ERBB4: variants seen among roughly 807,000 people sequenced by gnomAD.
The protein encoded by ERBB4 is erb-b2 receptor tyrosine kinase 4, also known as receptor tyrosine-protein kinase erbB-4.
A neutral mutation model predicts 158.0 loss-of-function variants in ERBB4; 42 were observed. The observed-to-expected ratio is 0.27, with a 90% confidence interval of 0.21 to 0.34. The LOEUF (loss-of-function observed/expected upper bound fraction) is 0.34, where lower values mean the gene tolerates loss of function less well. Among genes scored for constraint, ERBB4 ranks in the 10% least tolerant of loss-of-function variants. The pLI is 1.00. For synonymous variants in ERBB4, 583 were observed against 558.7 expected, an observed-to-expected ratio of 1.04 and a Z score of -0.61; for missense variants, 1,333 against 1,624.1, an observed-to-expected ratio of 0.82 and a Z score of 3.08.
At chr2:212,058,284 T>C (rs530129429) in intron 2 of ERBB4, among the ~76,000 whole-genome samples, 10 of 152,300 alleles carry the variant, frequency 6.6e-5, no homozygotes. Context: ...GCTCTGAAAT[T>C]GTGGCAACAG....
intron 13 of ERBB4, among the ~76,000 whole-genome samples, chr2:211,677,460 G>A (rs1446392931): frequency 1.3e-5 from 2 of 151,740 alleles, no homozygotes; most frequent in Non-Finnish European, 1.5e-5. Flanking sequence ...GCTACTTGGA[G>A]GCTGAGGCAC....
chr2:212,441,009 A>G (rs1049428948), intron 1 of ERBB4, among the ~76,000 whole-genome samples: 70 of 152,146 alleles, frequency 4.6e-4, no homozygotes, highest in African/African-American at 1.5e-3. Context: ...GAAATTGTGG[A>G]AAAATAGACA....
chr2:212,516,595 C>T (rs1010614186), intron 1 of ERBB4, among the ~76,000 whole-genome samples: 2 of 152,076 alleles, frequency 1.3e-5, no homozygotes, highest in Middle Eastern at 3.2e-3. Flanking sequence ...ACAGAGCTAA[C>T]GTTAAAATGT....
intron 2 of ERBB4, among the ~76,000 whole-genome samples, chr2:211,948,636 G>T (rs2080778795): frequency 6.6e-6 from 1 of 151,596 alleles, no homozygotes; most frequent in Admixed American, 6.6e-5. Context: ...TCAATAAAAT[G>T]ATGATAAATA....
chr2:211,570,737 G>T (rs932186976), intron 19 of ERBB4, among the ~76,000 whole-genome samples: 7 of 152,008 alleles, frequency 4.6e-5, no homozygotes, highest in Non-Finnish European at 7.4e-5. Flanking sequence ...CTTCAATTTT[G>T]CCCTATCTGT....
chr2:212,086,193 G>T (rs1459231140), intron 2 of ERBB4, among the ~76,000 whole-genome samples: 2 of 151,868 alleles, frequency 1.3e-5, no homozygotes, highest in African/African-American at 4.8e-5. Context: ...AAAAGTGATT[G>T]GCTGCCACGT....
At chr2:212,153,800 CAT>C (rs1365696471) in intron 1 of ERBB4, among the ~76,000 whole-genome samples, 1 of 152,100 alleles carries the variant, frequency 6.6e-6, no homozygotes, top group African/African-American at 2.4e-5. Flanking sequence ...ATTCTAACAT[CAT>C]ATAGGAATTA....
chr2:212,271,419 C>A (rs1265987346), intron 1 of ERBB4, among the ~76,000 whole-genome samples: 1 of 151,654 alleles, frequency 6.6e-6, no homozygotes, highest in African/African-American at 2.4e-5. Flanking sequence ...TTATCTACAA[C>A]TTTCAGAATT....
At chr2:212,180,480 T>A (rs1160346738) in intron 1 of ERBB4, among the ~76,000 whole-genome samples, 1 of 151,686 alleles carries the variant, frequency 6.6e-6, no homozygotes, top group African/African-American at 2.4e-5. Context: ...AAGCTAACAT[T>A]GTTTCATTTG....
intron 3 of ERBB4, among the ~76,000 whole-genome samples, chr2:211,914,892 A>G (rs1302068189): frequency 6.6e-6 from 1 of 152,122 alleles, no homozygotes; most frequent in Non-Finnish European, 1.5e-5. Context: ...CAGAGGAGTA[A>G]GCAACTTTTC....
intron 1 of ERBB4, among the ~76,000 whole-genome samples, chr2:212,255,002 A>G (rs1469081614): frequency 6.6e-6 from 1 of 152,188 alleles, no homozygotes; most frequent in Non-Finnish European, 1.5e-5. Flanking sequence ...TCACGGGTAT[A>G]GTGTTATATC....
At chr2:211,415,107 C>CCTT in intron 25 of ERBB4, among the ~76,000 whole-genome samples, 1 of 72,540 alleles carries the variant, frequency 1.4e-5, no homozygotes, top group Non-Finnish European at 2.5e-5. Context: ...CTTACATTTT[C>CCTT]TTTTTTTTTT....
At chr2:211,497,852 G>A (rs1451816845) in intron 20 of ERBB4, among the ~76,000 whole-genome samples, 1 of 152,092 alleles carries the variant, frequency 6.6e-6, no homozygotes, top group Non-Finnish European at 1.5e-5. Flanking sequence ...ATGTAAAGTT[G>A]CTTAATTTTT....
chr2:211,537,536 T>C (rs2066689587), intron 20 of ERBB4, among the ~76,000 whole-genome samples: 2 of 151,998 alleles, frequency 1.3e-5, no homozygotes, highest in Non-Finnish European at 2.9e-5. Flanking sequence ...AACACTTTTC[T>C]TCAAAAGGAA....
At chr2:212,536,648 A>T (rs1288410244) in intron 1 of ERBB4, among the ~76,000 whole-genome samples, 1 of 152,234 alleles carries the variant, frequency 6.6e-6, no homozygotes, top group Non-Finnish European at 1.5e-5. Context: ...GGACAGCTGC[A>T]GAACTAATTT....
intron 16 of ERBB4, among the ~76,000 whole-genome samples, chr2:211,647,542 C>T (rs2105872268): frequency 1.3e-5 from 2 of 151,662 alleles, no homozygotes; most frequent in South Asian, 4.1e-4. Context: ...GTTAATGTTA[C>T]CCCCATCCAT....
chr2:212,538,070 C>T (rs1693203963), intron 1 of ERBB4, among the ~76,000 whole-genome samples: 1 of 152,150 alleles, frequency 6.6e-6, no homozygotes, highest in Non-Finnish European at 1.5e-5. Flanking sequence ...CCCGGCGGTG[C>T]GGGTTCTGCC....
intron 1 of ERBB4, among the ~76,000 whole-genome samples, chr2:212,149,168 T>TA (rs2080784739): frequency 1.2e-5 from 1 of 85,994 alleles, no homozygotes; most frequent in Non-Finnish European, 2.5e-5. Flanking sequence ...AATATAATAA[T>TA]TAAAAAAAAA....
intron 20 of ERBB4, among the ~76,000 whole-genome samples, chr2:211,459,153 T>A (rs575399850): frequency 5.1e-4 from 77 of 152,322 alleles, no homozygotes; most frequent in African/African-American, 1.8e-3. Context: ...ACTGATTATA[T>A]AGCATGCATA....
Sources: gnomAD v4.1 joint callset for allele counts (sites outside exome capture counted in the v4.1 genomes callset) on GRCh38, gnomAD v4.1.1 for gene constraint, MANE v1.5 for transcripts, NCBI Gene and HGNC (gene_info 2026-07-23, HGNC 2026-07-21) for gene names.